The following PDE11A variants were observed in gnomAD, a reference collection of about 807,000 sequenced individuals.
PDE11A encodes the protein phosphodiesterase 11A.
PDE11A carries 100 observed loss-of-function variants against 100.5 expected under a neutral mutation model. The observed-to-expected ratio is 1.00, with a 90% CI of 0.85 to 1.18. The LOEUF is 1.18. PDE11A is among the 50% of genes most tolerant of loss of function. The pLI, the probability that PDE11A is intolerant of heterozygous loss-of-function variation, is 0.00. For synonymous variants in PDE11A, 381 were observed against 420.8 expected (o/e 0.91, Z 1.16); for missense variants, 1,141 against 1,152.6 (o/e 0.99, Z 0.15).
At chr2:177,814,056 T>A (rs6729216) in intron 9 of PDE11A, among the ~76,000 whole-genome samples, 61,614 of 151,790 alleles carry the variant, frequency 0.41, 14,323 homozygotes, top group African/African-American at 0.64. Context: ...AAAGAAGGGA[T>A]AGGAATGATA....
intron 1 of PDE11A, among the ~76,000 whole-genome samples, chr2:178,064,152 G>A (rs2087009629): frequency 6.6e-6 from 1 of 152,118 alleles, no homozygotes; most frequent in African/African-American, 2.4e-5. Flanking sequence ...GGCAGAACTG[G>A]GAATAGAACC....
At chr2:177,826,758 C>A (rs1483681059) in intron 6 of PDE11A, among the ~76,000 whole-genome samples, 1 of 152,136 alleles carries the variant, frequency 6.6e-6, no homozygotes, top group Admixed American at 6.6e-5. Context: ...CTTAGTAATC[C>A]CCCTAACTTC....
rs897990212 is a variant in PDE11A, at chr2:177,793,611, G to A, written c.1737+23218C>T. Among the ~76,000 whole-genome samples, 14 of 151,228 alleles carry A rather than the reference G, an allele frequency of 9.3e-5. No homozygotes were observed. The East Asian group carries it at 1.8e-3, about 19-fold the overall frequency. ...CAGAGCCACAGAAGCACTCAGTCCC[G>A]GGTCCCGGTCCCTGAAGGAAGGAGC... On this transcript the variant is annotated intron_variant, in intron 9 of 19. Coordinates refer to ENST00000286063, the MANE Select transcript of PDE11A (RefSeq NM_016953.4).
intron 2 of PDE11A, among the ~76,000 whole-genome samples, chr2:177,932,096 T>C (rs1352183627): frequency 4.6e-5 from 7 of 151,938 alleles, no homozygotes. Context: ...ACACACAATC[T>C]CTCAAGATTG....
intron 19 of PDE11A, among the ~76,000 whole-genome samples, chr2:177,646,434 A>G (rs191744799): frequency 6.6e-6 from 1 of 152,334 alleles, no homozygotes; most frequent in Admixed American, 6.5e-5. Context: ...ACCTGATTAC[A>G]ACTCAGAATG....
chr2:177,883,042 G>A (rs1202174147), intron 4 of PDE11A, among the ~76,000 whole-genome samples: 1 of 151,992 alleles, frequency 6.6e-6, no homozygotes, highest in African/African-American at 2.4e-5. Flanking sequence ...AGTCAAGGTG[G>A]GTAGATAACT....
chr2:177,669,363 G>T, intron 18 of PDE11A, 130 bp downstream of exon 18: 1 of 655,732 alleles, frequency 1.5e-6, no homozygotes, highest in Non-Finnish European at 2.8e-6. Context: ...TTTAATTAAG[G>T]TTTTAAACTT....
chr2:178,077,260 C>CTTTTTTTTTTTTTTTTTTTTTTTT (rs57259393), upstream of PDE11A, among the ~76,000 whole-genome samples: 3 of 98,648 alleles, frequency 3.0e-5, no homozygotes, highest in African/African-American at 4.2e-5. Flanking sequence ...TTCTTTCTTT[C>CTTTTTTTTTTTTTTTTTTTTTTTT]TTTTTTTTTT....
chr2:178,008,616 T>C (rs1241373737), intron 2 of PDE11A, among the ~76,000 whole-genome samples: 2 of 152,142 alleles, frequency 1.3e-5, no homozygotes, highest in African/African-American at 4.8e-5. Context: ...CTATTAGAAA[T>C]GTGAGGCTAG....
chr2:178,079,530 A>G (rs138124395), intron 2 of PDE11A, among the ~76,000 whole-genome samples: 231 of 152,236 alleles, frequency 1.5e-3, no homozygotes, highest in African/African-American at 5.5e-3. Context: ...TTCTTTATCC[A>G]GTCTATCATT....
chr2:177,797,749 A>G (rs1033723250), intron 9 of PDE11A, among the ~76,000 whole-genome samples: 1 of 152,202 alleles, frequency 6.6e-6, no homozygotes, highest in Admixed American at 6.5e-5. Context: ...ATCATTTGAG[A>G]GCAGATTTGA....
At chr2:177,687,173 G>T (rs776761979) in intron 15 of PDE11A, 3 of 152,232 alleles carry the variant, frequency 2.0e-5, no homozygotes, top group Non-Finnish European at 2.9e-5. Flanking sequence ...AACGTAAAAG[G>T]TATAAAAATT....
At chr2:177,999,196 T>A (rs1430210719) in intron 2 of PDE11A, among the ~76,000 whole-genome samples, 4 of 151,670 alleles carry the variant, frequency 2.6e-5, no homozygotes, top group African/African-American at 7.3e-5. Flanking sequence ...GTGGTCCTAA[T>A]CATGATGGGA....
intron 6 of PDE11A, among the ~76,000 whole-genome samples, chr2:177,824,116 G>A (rs2083190426): frequency 2.6e-5 from 4 of 151,906 alleles, no homozygotes; most frequent in Admixed American, 2.6e-4. Flanking sequence ...TTTCTTCTGG[G>A]AAAGTGGGAG....
chr2:178,034,506 G>A (rs926003960), intron 1 of PDE11A, among the ~76,000 whole-genome samples: 7 of 151,952 alleles, frequency 4.6e-5, no homozygotes, highest in East Asian at 3.9e-4. Context: ...ACTTGAACTC[G>A]GCTATGGACC....
intron 3 of PDE11A, among the ~76,000 whole-genome samples, chr2:177,904,287 A>T (rs2105734590): frequency 6.6e-6 from 1 of 152,256 alleles, no homozygotes; most frequent in African/African-American, 2.4e-5. Flanking sequence ...TCTTTATAAT[A>T]CTGTAAAACA....
chr2:178,070,849 C>T (rs1320994461), intron 1 of PDE11A, among the ~76,000 whole-genome samples: 1 of 152,134 alleles, frequency 6.6e-6, no homozygotes, highest in East Asian at 1.9e-4. Context: ...ACAGATAATG[C>T]TATATTTGAG....
intron 2 of PDE11A, among the ~76,000 whole-genome samples, chr2:177,917,355 G>C (rs548863518): frequency 6.6e-6 from 1 of 152,196 alleles, no homozygotes; most frequent in South Asian, 2.1e-4. Flanking sequence ...CACCATCTCT[G>C]GTAATAGTTC....
chr2:178,037,702 T>C (rs1213556941), intron 1 of PDE11A, among the ~76,000 whole-genome samples: 5 of 152,254 alleles, frequency 3.3e-5, no homozygotes, highest in Admixed American at 2.6e-4. Flanking sequence ...TAAAAAAGAA[T>C]GAATTCATGT....
Sources: allele counts gnomAD v4.1 joint callset (sites outside exome capture counted in the v4.1 genomes callset), GRCh38; gene constraint gnomAD v4.1.1; transcripts MANE v1.5; gene names NCBI Gene and HGNC (gene_info 2026-07-23, HGNC 2026-07-21).